The following RAB38 variants were observed in gnomAD, a reference collection of about 807,000 sequenced individuals.
RAB38 encodes RAB38, member RAS oncogene family.
In RAB38, 15 loss-of-function variants were observed where a neutral mutation model predicts 18.4. The ratio of observed to expected loss-of-function variants is 0.82; its 90% CI spans 0.55 to 1.26. The LOEUF is 1.26. Ranked by LOEUF, RAB38 falls within the 50% of genes most tolerant of loss-of-function variation. The probability of loss-of-function intolerance (pLI) is 0.00; values close to 1 mark genes in which losing one functional copy is unlikely to be tolerated. For missense variants in RAB38, 294 were observed against 267.4 expected, an observed-to-expected ratio of 1.10 and a Z score of -0.69; for synonymous variants, 101 against 104.4, an observed-to-expected ratio of 0.97 and a Z score of 0.20.
the RAB38 span, chr11:88,099,868 A>G: frequency 2.6e-4 from 39 of 151,744 alleles, no homozygotes; most frequent in African/African-American, 9.4e-4. Flanking sequence ...TATTAATATA[A>G]TAATATTTTC....
At chr11:88,017,585 G>A in the RAB38 span, among the ~76,000 whole-genome samples, 1 of 150,832 alleles carries the variant, frequency 6.6e-6, no homozygotes, top group African/African-American at 2.4e-5. Context: ...GTCTTACACT[G>A]GCTTCTTTAT....
the RAB38 span, among the ~76,000 whole-genome samples, chr11:88,065,552 G>C: frequency 1.3e-5 from 2 of 152,204 alleles, no homozygotes; most frequent in Non-Finnish European, 2.9e-5. Context: ...TTCGGGAAGA[G>C]TTAGAGCATT....
At chr11:87,936,336 T>G in the RAB38 span, among the ~76,000 whole-genome samples, 1 of 152,152 alleles carries the variant, frequency 6.6e-6, no homozygotes, top group East Asian at 1.9e-4. Context: ...CAGGCCAAGC[T>G]TTATTTTTAT....
At chr11:88,023,034 A>C in the RAB38 span, among the ~76,000 whole-genome samples, 1 of 152,148 alleles carries the variant, frequency 6.6e-6, no homozygotes, top group Non-Finnish European at 1.5e-5. Context: ...AGGATCAGGA[A>C]AAAGAACTAA....
chr11:87,849,147 A>G, the RAB38 span, among the ~76,000 whole-genome samples: 1 of 152,166 alleles, frequency 6.6e-6, no homozygotes, highest in Non-Finnish European at 1.5e-5. Context: ...TTCTGAAATC[A>G]GAAGTTGGTA....
chr11:87,938,883 T>C, the RAB38 span, among the ~76,000 whole-genome samples: 1 of 151,950 alleles, frequency 6.6e-6, no homozygotes, highest in South Asian at 2.1e-4. Flanking sequence ...CTATATTTAT[T>C]TTATATAAAA....
the RAB38 span, among the ~76,000 whole-genome samples, chr11:88,068,362 C>A: frequency 1.3e-5 from 2 of 151,820 alleles, no homozygotes; most frequent in South Asian, 2.1e-4. Flanking sequence ...GAAGACATAG[C>A]CTAATCTTAG....
the RAB38 span, among the ~76,000 whole-genome samples, chr11:88,093,282 T>C: frequency 6.6e-5 from 10 of 151,834 alleles, no homozygotes; most frequent in Non-Finnish European, 1.3e-4. Flanking sequence ...GCAATAAACA[T>C]TATATTTTGA....
intron 2 of RAB38, among the ~76,000 whole-genome samples, chr11:88,147,916 G>A (rs374150774): frequency 6.6e-6 from 1 of 151,912 alleles, no homozygotes; most frequent in Non-Finnish European, 1.5e-5. Context: ...AACAAAAAAA[G>A]AAAATAGACT....
chr11:88,107,146 A>T, the RAB38 span, among the ~76,000 whole-genome samples: 2 of 152,054 alleles, frequency 1.3e-5, no homozygotes, highest in East Asian at 3.9e-4. Flanking sequence ...TTATTTGCAT[A>T]CCACAGATTT....
chr11:88,084,391 G>A, the RAB38 span, among the ~76,000 whole-genome samples: 1 of 151,674 alleles, frequency 6.6e-6, no homozygotes, highest in Non-Finnish European at 1.5e-5. Flanking sequence ...GGAGCTCCAA[G>A]AGGTGTGTAA....
At chr11:88,005,737 G>T in the RAB38 span, among the ~76,000 whole-genome samples, 8 of 151,256 alleles carry the variant, frequency 5.3e-5, no homozygotes, top group African/African-American at 1.7e-4. Context: ...GGGGTCTTAC[G>T]TTTAATTCTT....
the RAB38 span, among the ~76,000 whole-genome samples, chr11:88,051,463 G>A: frequency 8.6e-5 from 13 of 151,362 alleles, no homozygotes; most frequent in Non-Finnish European, 4.4e-5. Context: ...CAAAGGCTTT[G>A]AAAACTCAAC....
At chr11:87,818,206 G>C in the RAB38 span, among the ~76,000 whole-genome samples, 1 of 152,152 alleles carries the variant, frequency 6.6e-6, no homozygotes, top group African/African-American at 2.4e-5. Flanking sequence ...TGGTGATGCT[G>C]CTACTAGTTT....
the RAB38 span, among the ~76,000 whole-genome samples, chr11:87,850,041 C>G: frequency 6.6e-6 from 1 of 152,080 alleles, no homozygotes; most frequent in East Asian, 1.9e-4. Flanking sequence ...TTATGGGGCA[C>G]TTCACTATAA....
At chr11:87,872,456 A>G in the RAB38 span, among the ~76,000 whole-genome samples, 1 of 151,524 alleles carries the variant, frequency 6.6e-6, no homozygotes, top group Non-Finnish European at 1.5e-5. Flanking sequence ...ACATGTCATT[A>G]TAAATTAAAG....
At chr11:88,061,188 A>G in the RAB38 span, among the ~76,000 whole-genome samples, 2 of 152,226 alleles carry the variant, frequency 1.3e-5, no homozygotes, top group Non-Finnish European at 2.9e-5. Flanking sequence ...ATTGAGACTG[A>G]GAGAAATAAT....
chr11:87,890,615 T>C, the RAB38 span, among the ~76,000 whole-genome samples: 1 of 151,834 alleles, frequency 6.6e-6, no homozygotes, highest in Non-Finnish European at 1.5e-5. Context: ...TTTCCCAATT[T>C]CATCTCTCCC....
downstream of RAB38, among the ~76,000 whole-genome samples, chr11:88,108,690 G>A (rs190180669): frequency 8.5e-5 from 13 of 152,272 alleles, no homozygotes; most frequent in East Asian, 2.5e-3. Context: ...TCATTATGAT[G>A]CTAGCTGGTT....
Sources: gnomAD v4.1 joint callset for allele counts (sites outside exome capture counted in the v4.1 genomes callset) on GRCh38, gnomAD v4.1.1 for gene constraint, MANE v1.5 for transcripts, NCBI Gene and HGNC (gene_info 2026-07-23, HGNC 2026-07-21) for gene names.